ZNF638: variants seen among roughly 807,000 people sequenced by gnomAD.
The protein encoded by ZNF638 is CTCL tumor antigen se33-1.
ZNF638 carries 46 observed loss-of-function variants against 195.6 expected under a neutral mutation model. The ratio of observed to expected loss-of-function variants is 0.24; its 90% CI spans 0.19 to 0.30. The LOEUF (loss-of-function observed/expected upper bound fraction) is 0.30, where lower values mean the gene tolerates loss of function less well. ZNF638 is among the 10% of genes least tolerant of loss of function. ZNF638 has a pLI of 1.00. For synonymous variants in ZNF638, 845 were observed against 772.0 expected, an observed-to-expected ratio of 1.09 and a Z score of -1.57; for missense variants, 2,440 against 2,325.3, an observed-to-expected ratio of 1.05 and a Z score of -1.01.
intron 23 of ZNF638, among the ~76,000 whole-genome samples, chr2:71,425,930 C>G (rs973730986): frequency 1.3e-5 from 2 of 152,174 alleles, no homozygotes; most frequent in African/African-American, 4.8e-5. Context: ...GCTGGGATTA[C>G]AGGCATGAGC....
intron 11 of ZNF638, among the ~76,000 whole-genome samples, chr2:71,397,582 G>A (rs2079919528): frequency 6.6e-6 from 1 of 152,142 alleles, no homozygotes; most frequent in Admixed American, 6.5e-5. Context: ...TATGTATAGG[G>A]AAATGTGTAC....
intron 23 of ZNF638, 22 bp downstream of exon 23, chr2:71,424,737 C>G: frequency 1.9e-6 from 3 of 1,585,818 alleles, no homozygotes; most frequent in Admixed American, 3.5e-5. Context: ...ATCACAGACC[C>G]TAACCCTTCT....
At chr2:71,367,942 A>T (rs930198792) in intron 6 of ZNF638, among the ~76,000 whole-genome samples, 18 of 152,106 alleles carry the variant, frequency 1.2e-4, no homozygotes, top group Non-Finnish European at 2.4e-4. Flanking sequence ...ATGAATTTTT[A>T]AAAATATTAT....
Position 71,380,268 on chromosome 2 carries a change from C to T in ZNF638, c.2312C>T (p.Ala771Val), listed in dbSNP as rs1001987332. The T allele has an allele frequency of 1.9e-6, 3 of 1,566,714 alleles. No homozygotes were observed. The highest frequency in any genetic ancestry group is 2.8e-5 in the African/African-American group (2 of 72,474). ...ACTTTAGAGTCAAAGAAAGTATCTG[C>T]ATCTACCTTAAAGTAAGTGACTTTA... ...KKTLESKKVS[A>V]STLKRDADAS... The change falls in exon 9 of 28, where the codon GCA becomes GTA. Residue 771 changes from alanine to valine, a missense_variant. By Grantham distance (64) the Ala-to-Val change is moderately conservative. Coordinates refer to ENST00000264447, the MANE Select transcript of ZNF638 (RefSeq NM_014497.5).
chr2:71,349,505 G>T lies in ZNF638; in HGVS notation c.551G>T (p.Arg184Leu). The change falls in exon 2 of 28, where the codon CGC becomes CTC. Residue 184 changes from arginine to leucine, a missense_variant. This residue lies in a region of ZNF638 where 305 missense variants were observed against 283.6 expected (regional missense o/e 1.08). Transcript: ENST00000264447. ...LRDIRMRKMGRRLPNLPSQSR... is the reference protein window; with the variant it reads ...LRDIRMRKMGLRLPNLPSQSR... The stretch of plus-strand genomic sequence containing the variant: ...GATATAAGAATGCGAAAAATGGGGC[G>T]CCGATTACCTAATTTACCTTCTCAG... 6.2e-7 allele frequency: 1 copy of T among 1,614,068 alleles called. No individual in the cohort carries two copies. Among genetic ancestry groups the T allele is most frequent in the Non-Finnish European group, 8.5e-7 (1 of 1,180,006 alleles).
At position 71,349,125 on chromosome 2, in the gene ZNF638, C is replaced by T. The variant is rs769633167; in HGVS notation, c.171C>T (p.Gly57=). 81 of 1,614,040 alleles carry T rather than the reference C, an allele frequency of 5.0e-5. No homozygotes were observed. The South Asian group carries it at 8.1e-4, about 16-fold the overall frequency. ...RARGIPHRFA[G]HESYQNMGPQ... is the part of the protein sequence containing the mutation. ...GTGGAATTCCACACAGATTTGCTGG[C>T]CATGAATCTTATCAGAACATGGGGC... The change falls in exon 2 of 28, where the codon GGC becomes GGT. Residue 57 remains glycine, a synonymous_variant. Coordinates refer to ENST00000264447, the MANE Select transcript of ZNF638 (RefSeq NM_014497.5).
rs750792160 is a variant in ZNF638, at chr2:71,404,013, C to A, written c.2958+15C>A. 2 of 1,592,654 alleles carry A rather than the reference C, an allele frequency of 1.3e-6. No individual in the cohort carries two copies. Among genetic ancestry groups the A allele is most frequent in the Non-Finnish European group, 1.7e-6 (2 of 1,171,758 alleles). On this transcript the variant is annotated intron_variant, in intron 17 of 27. Transcript: ENST00000264447. ...TAAAAGATGAGGTAAATCAGACCAC[C>A]ATTTTTACTAGCTCTTACTAAGTTT...
chr2:71,338,358 G>A (rs772529487), intron 1 of ZNF638, among the ~76,000 whole-genome samples: 3 of 152,086 alleles, frequency 2.0e-5, no homozygotes, highest in Non-Finnish European at 4.4e-5. Flanking sequence ...TTAATTTATT[G>A]CTATGTATTT....
At chr2:71,376,840 C>G (rs2079436938) in intron 8 of ZNF638, among the ~76,000 whole-genome samples, 1 of 152,112 alleles carries the variant, frequency 6.6e-6, no homozygotes, top group Non-Finnish European at 1.5e-5. Flanking sequence ...TAATAATAAC[C>G]TCGACATCCA....
chr2:71,399,643 C>G lies in ZNF638; in HGVS notation c.2585C>G (p.Pro862Arg), dbSNP rs781342703. 6.2e-7 allele frequency: 1 copy of G among 1,607,516 alleles called. No individual in the cohort carries two copies. Among genetic ancestry groups the G allele is most frequent in the African/African-American group, 1.3e-5 (1 of 74,372 alleles). Reference sequence around the variant, plus strand: ...GACTCTAACAAACCTGTGACTATACCAGGTAAGCTTGAAATGTGGTCATTC... The same window carrying G: ...GACTCTAACAAACCTGTGACTATACGAGGTAAGCTTGAAATGTGGTCATTC... ...NKDSNKPVTI[P>R]ENSEIKTSIE... The change falls in exon 13 of 28, where the codon CCA becomes CGA. Residue 862 changes from proline (P) to arginine (R), a missense_variant and splice_region_variant. Pro to Arg is a moderately radical substitution (Grantham distance 103). Transcript: ENST00000264447.
intron 16 of ZNF638, among the ~76,000 whole-genome samples, chr2:71,402,815 T>C (rs2080033618): frequency 6.6e-6 from 1 of 152,174 alleles, no homozygotes; most frequent in Admixed American, 6.5e-5. Context: ...TGGGAAGAAG[T>C]GTTCTTACGT....
At chr2:71,424,291 TAAAAA>T (rs76683427) in intron 22 of ZNF638, among the ~76,000 whole-genome samples, 1 of 138,000 alleles carries the variant, frequency 7.2e-6, no homozygotes, top group Non-Finnish European at 1.6e-5. Context: ...AACTGTGGTT[TAAAAA>T]AAAAAAAAAA....
intron 1 of ZNF638, among the ~76,000 whole-genome samples, chr2:71,335,139 C>T (rs572638109): frequency 3.9e-5 from 6 of 152,110 alleles, no homozygotes; most frequent in Non-Finnish European, 5.9e-5. Context: ...TGGGTGCAAG[C>T]GATGTTCCTG....
At chr2:71,370,292 A>G (rs941623710) in intron 8 of ZNF638, among the ~76,000 whole-genome samples, 11 of 152,200 alleles carry the variant, frequency 7.2e-5, no homozygotes, top group Admixed American at 6.5e-5. Context: ...AACATTTGAC[A>G]GTATCTGGAA....
At chr2:71,369,529 T>C (rs2079270275) in intron 7 of ZNF638, among the ~76,000 whole-genome samples, 1 of 152,096 alleles carries the variant, frequency 6.6e-6, no homozygotes, top group South Asian at 2.1e-4. Context: ...AGTGTTGTCT[T>C]TGTTGCAAGA....
chr2:71,426,778 A>G lies in ZNF638; in HGVS notation c.4909A>G (p.Lys1637Glu). 1 of 1,613,238 alleles carries G rather than the reference A, an allele frequency of 6.2e-7. No individual in the cohort carries two copies. ...AGAACTAAATATGGAAGAAATGGTA[A>G]AAAATTCAAATTCACTTTTTACATT... ...EEELNMEEMV[K>E]NSNSLFTLDE... The change falls in exon 24 of 28, where the codon AAA (lysine) becomes GAA (glutamate). Residue 1637 changes from lysine (K) to glutamate (E), a missense_variant. Lys to Glu is a moderately conservative substitution (Grantham distance 56). Coordinates refer to ENST00000264447, the MANE Select transcript of ZNF638 (RefSeq NM_014497.5).
intron 27 of ZNF638, among the ~76,000 whole-genome samples, chr2:71,434,025 T>C (rs1403061145): frequency 6.6e-6 from 1 of 152,222 alleles, no homozygotes; most frequent in African/African-American, 2.4e-5. Flanking sequence ...ACATTGTGCT[T>C]TGCTACCTGT....
chr2:71,379,009 T>G (rs993596786), intron 8 of ZNF638, among the ~76,000 whole-genome samples: 1 of 152,076 alleles, frequency 6.6e-6, no homozygotes. Context: ...TTTCCTTGAG[T>G]CTAATGAGAG....
intron 2 of ZNF638, 92 bp downstream of exon 2, chr2:71,350,363 T>G (rs772688117): frequency 4.6e-5 from 59 of 1,284,806 alleles, no homozygotes; most frequent in Non-Finnish European, 6.1e-5. Flanking sequence ...TAACTAGGCG[T>G]TAAGGAAATG....
Sources: gnomAD v4.1 joint callset for allele counts (sites outside exome capture counted in the v4.1 genomes callset) on GRCh38, gnomAD v4.1.1 for gene constraint, gnomAD v4.1.1 regional missense constraint, MANE v1.5 for transcripts, NCBI Gene and HGNC (gene_info 2026-07-23, HGNC 2026-07-21) for gene names.